ADIPOR2: variants seen among roughly 807,000 people sequenced by gnomAD.
The protein encoded by ADIPOR2 is adiponectin receptor protein 2.
A neutral mutation model predicts 40.9 loss-of-function variants in ADIPOR2; 18 were observed. That is an observed-to-expected ratio of 0.44 (90% CI 0.30 to 0.65). The LOEUF is 0.65. Among genes scored for constraint, ADIPOR2 ranks in the 30% least tolerant of loss-of-function variants. The pLI is 0.09. For synonymous variants in ADIPOR2, 165 were observed against 166.4 expected, an observed-to-expected ratio of 0.99 and a Z score of 0.06; for missense variants, 283 against 479.2, an observed-to-expected ratio of 0.59 and a Z score of 3.82.
chr12:1,777,033 T>G (rs1001918998), intron 3 of ADIPOR2, among the ~76,000 whole-genome samples: 27 of 152,228 alleles, frequency 1.8e-4, no homozygotes, highest in Non-Finnish European at 3.1e-4. Context: ...TCCTGTGCTC[T>G]TTCTTTTCTG....
chr12:1,780,951 C>A lies in ADIPOR2; in HGVS notation c.713C>A (p.Ser238Tyr), dbSNP rs1862705548. The change falls in exon 6 of 8, where the codon TCT (serine) becomes TAT (tyrosine). Residue 238 changes from serine (S) to tyrosine (Y), a missense_variant. Around this residue, in one of 3 missense-constraint regions of ADIPOR2, gnomAD observed 112 missense variants for 249.5 expected, o/e 0.45. Transcript: ENST00000357103. ...MGSFVPWLYY[S>Y]FYCNPQPCFI... is the part of the protein sequence containing the mutation. Reference sequence around the variant, plus strand: ...AGTTTTGTTCCTTGGCTTTATTATTCTTTCTACTGTAATCCACAACCTTGC... The same window carrying A: ...AGTTTTGTTCCTTGGCTTTATTATTATTTCTACTGTAATCCACAACCTTGC... The A allele has an allele frequency of 6.2e-7, 1 of 1,612,450 alleles. No individual in the cohort carries two copies. The highest frequency in any genetic ancestry group is 1.3e-5 in the African/African-American group (1 of 74,702).
intron 1 of ADIPOR2, among the ~76,000 whole-genome samples, chr12:1,751,651 C>T (rs1478710940): frequency 6.6e-6 from 1 of 151,980 alleles, no homozygotes; most frequent in Non-Finnish European, 1.5e-5. Context: ...AGTACTACAG[C>T]CATGAGCCAC....
chr12:1,712,074 CACTA>C (rs2094678467), intron 1 of ADIPOR2, among the ~76,000 whole-genome samples: 1 of 152,112 alleles, frequency 6.6e-6, no homozygotes, highest in Non-Finnish European at 1.5e-5. Context: ...ACTGTTACAT[CACTA>C]ACTATGGCAT....
At chr12:1,744,030 T>C (rs1398631146) in intron 1 of ADIPOR2, among the ~76,000 whole-genome samples, 2 of 152,210 alleles carry the variant, frequency 1.3e-5, no homozygotes, top group Non-Finnish European at 2.9e-5. Context: ...GGATGGTCCT[T>C]ATCTGAATGC....
chr12:1,691,875 C>T (rs2094627860), intron 1 of ADIPOR2, among the ~76,000 whole-genome samples: 1 of 152,058 alleles, frequency 6.6e-6, no homozygotes, highest in African/African-American at 2.4e-5. Flanking sequence ...TTGATTTAAG[C>T]GTTTGCCTCT....
chr12:1,786,177 G>A lies in ADIPOR2; in HGVS notation c.*105G>A, dbSNP rs1461417240. The A allele has an allele frequency of 6.1e-6, 9 of 1,470,860 alleles. No individual in the cohort carries two copies. The highest frequency in any genetic ancestry group is 8.2e-6 in the Non-Finnish European group (9 of 1,094,066). The allele number at this position is 1,470,860 out of a possible 1,614,324, so 91.1% of individuals were successfully genotyped here. ...AGTACCAGAGGAGCCCCAAAACTTTGACAGCCTCGTGGGCTTTGTGACGGC... is the reference window on the plus strand; with the variant it reads ...AGTACCAGAGGAGCCCCAAAACTTTAACAGCCTCGTGGGCTTTGTGACGGC... On this transcript the variant is annotated 3_prime_UTR_variant, in exon 8 of 8. Coordinates refer to ENST00000357103, the MANE Select transcript of ADIPOR2 (RefSeq NM_024551.3).
In ADIPOR2 at chr12:1,785,942, A is replaced by T; in HGVS notation, c.1033-2A>T. On this transcript the variant is annotated splice_acceptor_variant, in intron 7 of 7. Transcript: ENST00000357103. LOFTEE classifies it high-confidence loss of function. ...CCCCTTCTCTTCTTTTTTCCCCTCCAGTTTCACTCTCATCAGCTGTTTCAT... is the reference window on the plus strand; with the variant it reads ...CCCCTTCTCTTCTTTTTTCCCCTCCTGTTTCACTCTCATCAGCTGTTTCAT... 3 of 1,612,380 alleles carry T rather than the reference A, an allele frequency of 1.9e-6. No homozygotes were observed. Among genetic ancestry groups the T allele is most frequent in the Non-Finnish European group, 2.5e-6 (3 of 1,179,532 alleles).
chr12:1,731,380 A>G (rs1466467412), intron 1 of ADIPOR2, among the ~76,000 whole-genome samples: 1 of 152,092 alleles, frequency 6.6e-6, no homozygotes, highest in Non-Finnish European at 1.5e-5. Flanking sequence ...TACTATATTA[A>G]CCATTTTAAA....
At chr12:1,784,181 T>C in intron 7 of ADIPOR2, 108 bp downstream of exon 7, 1 of 1,260,176 alleles carries the variant, frequency 7.9e-7, no homozygotes, top group South Asian at 1.7e-5. Context: ...AGGAGAGTTG[T>C]ATCCTGGTCC....
chr12:1,753,828 C>T (rs1383627805), intron 1 of ADIPOR2, among the ~76,000 whole-genome samples: 1 of 151,098 alleles, frequency 6.6e-6, no homozygotes, highest in Non-Finnish European at 1.5e-5. Context: ...ATTTAGAATT[C>T]TAATTTCTAA....
chr12:1,694,107 G>A (rs1444896346), intron 1 of ADIPOR2, among the ~76,000 whole-genome samples: 2 of 152,200 alleles, frequency 1.3e-5, no homozygotes, highest in Admixed American at 1.3e-4. Flanking sequence ...AGCTCTGTGA[G>A]TGTATACTAT....
At chr12:1,700,956 C>T (rs1217607751) in intron 1 of ADIPOR2, among the ~76,000 whole-genome samples, 1 of 151,868 alleles carries the variant, frequency 6.6e-6, no homozygotes, top group Non-Finnish European at 1.5e-5. Flanking sequence ...ACTACAGAGA[C>T]CAATATAATT....
chr12:1,732,320 C>T (rs1007955228), intron 1 of ADIPOR2, among the ~76,000 whole-genome samples: 2 of 152,202 alleles, frequency 1.3e-5, no homozygotes, highest in African/African-American at 4.8e-5. Context: ...TTCATCTACT[C>T]ATCCCTAAAT....
chr12:1,748,625 T>G lies in ADIPOR2; in HGVS notation c.-86-5633T>G, dbSNP rs566911640. ...TGTGACCTAAATTTACAGGTTGAAG[T>G]TTTTTTTTTAAGTTTTTTGTCTATG... On this transcript the variant is annotated intron_variant, in intron 1 of 7. Transcript: ENST00000357103. 4.0e-5 allele frequency among the ~76,000 whole-genome samples: 6 copies of G among 149,138 alleles called. No homozygotes were observed. The East Asian group carries it at 7.9e-4, about 20-fold the overall frequency.
intron 2 of ADIPOR2, among the ~76,000 whole-genome samples, chr12:1,766,464 C>T (rs12813694): frequency 0.31 from 47,384 of 152,014 alleles, 8,137 homozygotes; most frequent in East Asian, 0.49. Flanking sequence ...ATTATGCCAT[C>T]ATTCAAATTT....
chr12:1,698,264 G>T (rs1012046835), intron 1 of ADIPOR2, among the ~76,000 whole-genome samples: 5 of 151,794 alleles, frequency 3.3e-5, no homozygotes, highest in South Asian at 2.1e-4. Context: ...CTGAGACAGG[G>T]TCTTGCTCTG....
At chr12:1,738,493 TC>T (rs2094735966) in intron 1 of ADIPOR2, among the ~76,000 whole-genome samples, 1 of 152,226 alleles carries the variant, frequency 6.6e-6, no homozygotes, top group Non-Finnish European at 1.5e-5. Context: ...TTCATTTTTT[TC>T]CTTCCCCAAG....
At chr12:1,699,093 C>G (rs955766359) in intron 1 of ADIPOR2, among the ~76,000 whole-genome samples, 1 of 151,994 alleles carries the variant, frequency 6.6e-6, no homozygotes, top group Non-Finnish European at 1.5e-5. Context: ...TATCACTGAT[C>G]AAAAAGAATC....
intron 2 of ADIPOR2, among the ~76,000 whole-genome samples, chr12:1,768,942 C>A (rs1862441198): frequency 6.6e-6 from 1 of 152,152 alleles, no homozygotes; most frequent in African/African-American, 2.4e-5. Context: ...TGCCTTTATT[C>A]TTGGCAGCTT....
Sources: gnomAD v4.1 joint callset for allele counts (sites outside exome capture counted in the v4.1 genomes callset) on GRCh38, gnomAD v4.1.1 for gene constraint, gnomAD v4.1.1 regional missense constraint, MANE v1.5 for transcripts, NCBI Gene and HGNC (gene_info 2026-07-23, HGNC 2026-07-21) for gene names.